SEC22A: variants seen among roughly 807,000 people sequenced by gnomAD.
SEC22A encodes the protein SEC22 homolog A, vesicle trafficking protein.
SEC22A carries 22 observed loss-of-function variants against 35.3 expected under a neutral mutation model. The ratio of observed to expected loss-of-function variants is 0.62; its 90% CI spans 0.45 to 0.89. The LOEUF (loss-of-function observed/expected upper bound fraction) is 0.89, where lower values mean the gene tolerates loss of function less well. Ranked by LOEUF, SEC22A falls within the 40% of genes least tolerant of loss-of-function variation. The pLI, the probability that SEC22A is intolerant of heterozygous loss-of-function variation, is 0.00. For missense variants in SEC22A, 354 were observed against 362.5 expected, an observed-to-expected ratio of 0.98 and a Z score of 0.19; for synonymous variants, 119 against 129.5, an observed-to-expected ratio of 0.92 and a Z score of 0.55.
chr3:123,251,693 T>G (rs1937615967), intron 5 of SEC22A, among the ~76,000 whole-genome samples: 1 of 152,190 alleles, frequency 6.6e-6, no homozygotes, highest in Non-Finnish European at 1.5e-5. Flanking sequence ...TTCCAGCAAA[T>G]TCTGATCCTC....
chr3:123,266,744 A>G (rs944694832), intron 6 of SEC22A, among the ~76,000 whole-genome samples: 8 of 147,246 alleles, frequency 5.4e-5, no homozygotes, highest in African/African-American at 2.1e-4. Context: ...CTTGAACAGA[A>G]TGTGTATTCT....
intron 6 of SEC22A, among the ~76,000 whole-genome samples, chr3:123,269,215 G>GTGTGTGTGTA (rs10642998): frequency 0.019 from 2,655 of 136,824 alleles, 70 homozygotes; most frequent in African/African-American, 0.055. Flanking sequence ...GTGTGTGTGT[G>GTGTGTGTGTA]TATATATTAC....
rs10543672 is a variant in SEC22A, at chr3:123,225,054, GATTA to G, written c.347-45_347-42del. On this transcript the variant is annotated intron_variant, in intron 3 of 6. Coordinates refer to ENST00000492595, the MANE Select transcript of SEC22A (RefSeq NM_012430.5). The stretch of plus-strand genomic sequence containing the variant: ...ATCCATAAACATCATATTCTGAAAT[GATTA>G]ATTGACAAGTGACTGCAAGGAAATT... The G allele has an allele frequency of 2.2e-3, 2,609 of 1,197,854 alleles. 24 individuals are homozygous for G. In the African/African-American group the frequency reaches 0.033, roughly 15 times the overall value. 74.2% of individuals were successfully genotyped at this position (1,197,854 alleles called of 1,614,324 possible).
At chr3:123,237,499 C>T (rs983124077) in intron 4 of SEC22A, among the ~76,000 whole-genome samples, 1 of 152,172 alleles carries the variant, frequency 6.6e-6, no homozygotes, top group African/African-American at 2.4e-5. Context: ...GCTACCTATA[C>T]ATCTTTTAAG....
intron 4 of SEC22A, among the ~76,000 whole-genome samples, chr3:123,237,121 G>T (rs1286561837): frequency 6.6e-6 from 1 of 152,168 alleles, no homozygotes; most frequent in Non-Finnish European, 1.5e-5. Flanking sequence ...AGGCTGTGTT[G>T]CAATAAAACT....
chr3:123,259,549 T>C lies in SEC22A; in HGVS notation c.683T>C (p.Ile228Thr), dbSNP rs770349631. The change falls in exon 6 of 7, where the codon ATC (isoleucine) becomes ACC (threonine). Residue 228 changes from isoleucine to threonine, a missense_variant. By Grantham distance (89) the Ile-to-Thr change is moderately conservative (BLOSUM62 -1). Coordinates refer to ENST00000492595, the MANE Select transcript of SEC22A (RefSeq NM_012430.5). The part of the protein sequence containing the change: ...LQSDGDDFNY[I>T]IAFFLGTAAC... ...AGTGATGGTGATGATTTTAATTACATCATTGCATTTTTCCTTGGAACAGCA... is the reference window on the plus strand; with the variant it reads ...AGTGATGGTGATGATTTTAATTACACCATTGCATTTTTCCTTGGAACAGCA... The C allele has an allele frequency of 6.2e-7, 1 of 1,613,510 alleles. No homozygotes were observed. Among genetic ancestry groups the C allele is most frequent in the Non-Finnish European group, 8.5e-7 (1 of 1,179,624 alleles).
At chr3:123,203,180 T>G (rs2108019985) in intron 1 of SEC22A, among the ~76,000 whole-genome samples, 1 of 149,216 alleles carries the variant, frequency 6.7e-6, no homozygotes, top group Middle Eastern at 3.4e-3. Context: ...CTTCCTTGAG[T>G]GTCTCACAGA....
intron 4 of SEC22A, among the ~76,000 whole-genome samples, chr3:123,240,773 A>G (rs1937513180): frequency 6.6e-6 from 1 of 152,136 alleles, no homozygotes; most frequent in South Asian, 2.1e-4. Flanking sequence ...CTTCACCGAC[A>G]TTTAGTGTTG....
chr3:123,244,985 A>C (rs567672037), intron 4 of SEC22A, among the ~76,000 whole-genome samples: 2 of 152,294 alleles, frequency 1.3e-5, no homozygotes, highest in Admixed American at 1.3e-4. Flanking sequence ...TGTATTTATG[A>C]AACTAAAATG....
intron 4 of SEC22A, among the ~76,000 whole-genome samples, chr3:123,242,027 AT>A (rs954212245): frequency 6.0e-5 from 9 of 150,870 alleles, no homozygotes; most frequent in South Asian, 2.1e-4. Context: ...TTAAGGTCAG[AT>A]TTTTTTTGGC....
chr3:123,240,812 T>TA (rs891238282), intron 4 of SEC22A, among the ~76,000 whole-genome samples: 157 of 149,410 alleles, frequency 1.1e-3, no homozygotes, highest in South Asian at 4.7e-3. Flanking sequence ...TGTTGTGCTT[T>TA]AAAAAAAAAA....
intron 2 of SEC22A, among the ~76,000 whole-genome samples, chr3:123,221,152 G>C (rs1937116090): frequency 6.6e-6 from 1 of 151,822 alleles, no homozygotes; most frequent in East Asian, 1.9e-4. Context: ...AAGGTGACCA[G>C]TATGGATCAG....
chr3:123,273,108 G>C lies in SEC22A; in HGVS notation c.*1386G>C, dbSNP rs1360342595. ...AATATTTCAAACAAGGAATTCATAGGATACTGAAATTTGATATCATCCAGA... is the reference window on the plus strand; with the variant it reads ...AATATTTCAAACAAGGAATTCATAGCATACTGAAATTTGATATCATCCAGA... On this transcript the variant is annotated 3_prime_UTR_variant, in exon 7 of 7. Transcript: ENST00000492595. The C allele has an allele frequency of 6.6e-6, 1 of 152,664 alleles. No individual in the cohort carries two copies. The highest frequency in any genetic ancestry group is 2.4e-5 in the African/African-American group (1 of 41,428). 9.5% of individuals were successfully genotyped at this position (152,664 alleles called of 1,614,324 possible).
chr3:123,206,826 G>T (rs561679424), intron 1 of SEC22A, among the ~76,000 whole-genome samples: 6 of 152,308 alleles, frequency 3.9e-5, no homozygotes, highest in African/African-American at 1.2e-4. Flanking sequence ...GGTAGCTCAT[G>T]CCTGTAATCC....
At chr3:123,221,004 T>TCTGG (rs572217802) in intron 2 of SEC22A, among the ~76,000 whole-genome samples, 75 of 151,604 alleles carry the variant, frequency 4.9e-4, no homozygotes, top group Middle Eastern at 3.4e-3. Context: ...GAACTGGGTA[T>TCTGG]CTGGGCAAGA....
intron 4 of SEC22A, among the ~76,000 whole-genome samples, chr3:123,238,432 G>A (rs1317993233): frequency 1.3e-5 from 2 of 152,180 alleles, no homozygotes; most frequent in East Asian, 1.9e-4. Context: ...TCCTGACCTC[G>A]TGATCTGCCC....
intron 5 of SEC22A, among the ~76,000 whole-genome samples, chr3:123,248,573 A>G (rs113331321): frequency 6.8e-6 from 1 of 146,016 alleles, no homozygotes; most frequent in African/African-American, 2.8e-5. Flanking sequence ...CTGATCAAAT[A>G]AATCAAAGAA....
chr3:123,206,265 TA>T (rs1936850651), intron 1 of SEC22A, among the ~76,000 whole-genome samples: 1 of 152,144 alleles, frequency 6.6e-6, no homozygotes, highest in African/African-American at 2.4e-5. Flanking sequence ...AGCTGATTTT[TA>T]ATTTTTTTTA....
chr3:123,259,690 G>A, intron 6 of SEC22A, 101 bp downstream of exon 6: 1 of 826,024 alleles, frequency 1.2e-6, no homozygotes, highest in East Asian at 2.7e-5. Context: ...AAAACTCTGA[G>A]TTCTTTGCTT....
Sources: allele counts gnomAD v4.1 joint callset (sites outside exome capture counted in the v4.1 genomes callset), GRCh38; gene constraint gnomAD v4.1.1; transcripts MANE v1.5; gene names NCBI Gene and HGNC (gene_info 2026-07-23, HGNC 2026-07-21).